Variants in ASPRV1 observed in about 807,000 individuals in gnomAD.
ASPRV1 encodes the protein aspartic peptidase retroviral like 1.
In ASPRV1, 7 loss-of-function variants were observed where a neutral mutation model predicts 11.0. The observed-to-expected ratio is 0.64, with a 90% CI of 0.36 to 1.20. The LOEUF (loss-of-function observed/expected upper bound fraction) is 1.20, where lower values mean the gene tolerates loss of function less well. ASPRV1 is among the 50% of genes most tolerant of loss of function. The probability of loss-of-function intolerance (pLI) is 0.02; values close to 1 mark genes in which losing one functional copy is unlikely to be tolerated. For missense variants in ASPRV1, 299 were observed against 320.0 expected, an observed-to-expected ratio of 0.93 and a Z score of 0.50; for synonymous variants, 136 against 138.4, an observed-to-expected ratio of 0.98 and a Z score of 0.12.
chr2:70,063,560 C>T, the ASPRV1 span, among the ~76,000 whole-genome samples: 1 of 152,146 alleles, frequency 6.6e-6, no homozygotes, highest in Non-Finnish European at 1.5e-5. Context: ...AGGACTACTG[C>T]AGGCTTCTGT....
chr2:70,057,053 A>G, the ASPRV1 span, among the ~76,000 whole-genome samples: 1 of 151,722 alleles, frequency 6.6e-6, no homozygotes, highest in African/African-American at 2.4e-5. Flanking sequence ...TACTCTTTTT[A>G]AAAAGGTAAT....
the ASPRV1 span, among the ~76,000 whole-genome samples, chr2:69,990,988 A>G: frequency 6.6e-6 from 1 of 152,128 alleles, no homozygotes; most frequent in African/African-American, 2.4e-5. Flanking sequence ...CTCATCTCAG[A>G]TGGGACCCCA....
At chr2:70,057,029 G>A in the ASPRV1 span, among the ~76,000 whole-genome samples, 4 of 151,808 alleles carry the variant, frequency 2.6e-5, no homozygotes, top group African/African-American at 4.8e-5. Flanking sequence ...GAGCCACCGC[G>A]CCCAGCTCAC....
the ASPRV1 span, among the ~76,000 whole-genome samples, chr2:70,037,390 C>T: frequency 6.6e-6 from 1 of 152,180 alleles, no homozygotes; most frequent in African/African-American, 2.4e-5. Context: ...GTGGCGTGAT[C>T]TCAGCTGACT....
At chr2:69,988,977 C>T in the ASPRV1 span, 1 of 332,884 alleles carries the variant, frequency 3.0e-6, no homozygotes. Flanking sequence ...GCTGCCACCA[C>T]TAAAGAACAC....
At chr2:70,085,365 GC>G in the ASPRV1 span, among the ~76,000 whole-genome samples, 1 of 152,078 alleles carries the variant, frequency 6.6e-6, no homozygotes, top group Non-Finnish European at 1.5e-5. Context: ...CAGCCCGCCC[GC>G]CCGTTACAGG....
the ASPRV1 span, among the ~76,000 whole-genome samples, chr2:70,063,509 G>A: frequency 6.6e-6 from 1 of 152,202 alleles, no homozygotes; most frequent in East Asian, 1.9e-4. Context: ...GAGGTAGCCT[G>A]AAGAGAGCTC....
the ASPRV1 span, among the ~76,000 whole-genome samples, chr2:70,044,204 G>T: frequency 1.3e-5 from 2 of 152,070 alleles, no homozygotes; most frequent in Non-Finnish European, 2.9e-5. Context: ...GGGTCTCAAA[G>T]ATTTAAATCA....
chr2:69,956,544 A>G (rs1026474522), downstream of ASPRV1, among the ~76,000 whole-genome samples: 10 of 151,118 alleles, frequency 6.6e-5, no homozygotes, highest in East Asian at 3.9e-4. Context: ...GGAGGAGGAG[A>G]AGAAGAAGAA....
At chr2:69,945,966 G>A in the ASPRV1 span, among the ~76,000 whole-genome samples, 1 of 152,160 alleles carries the variant, frequency 6.6e-6, no homozygotes, top group Admixed American at 6.5e-5. Context: ...CATCCTGGAG[G>A]AGAAGGCACC....
chr2:70,079,818 T>C, the ASPRV1 span, among the ~76,000 whole-genome samples: 4 of 152,230 alleles, frequency 2.6e-5, no homozygotes, highest in Non-Finnish European at 5.9e-5. Flanking sequence ...ATCCCAGTAC[T>C]ATCCAATGAA....
the ASPRV1 span, among the ~76,000 whole-genome samples, chr2:69,954,197 A>G: frequency 6.6e-6 from 1 of 152,180 alleles, no homozygotes; most frequent in African/African-American, 2.4e-5. Flanking sequence ...GGCCCACCAC[A>G]GAAGAAGCAG....
the ASPRV1 span, among the ~76,000 whole-genome samples, chr2:69,969,457 C>T: frequency 6.6e-6 from 1 of 152,172 alleles, no homozygotes; most frequent in Non-Finnish European, 1.5e-5. Flanking sequence ...TTCTCTGCGC[C>T]TTTGGTTTCT....
At chr2:69,995,487 G>C in the ASPRV1 span, 1 of 152,178 alleles carries the variant, frequency 6.6e-6, no homozygotes, top group African/African-American at 2.4e-5. Context: ...CATAAGCAGT[G>C]GTCGAAGAAG....
chr2:70,061,640 T>A, the ASPRV1 span, among the ~76,000 whole-genome samples: 1 of 151,954 alleles, frequency 6.6e-6, no homozygotes, highest in Non-Finnish European at 1.5e-5. Flanking sequence ...ACTCAAATCT[T>A]TTCCCTGCCT....
the ASPRV1 span, chr2:70,028,360 G>C: frequency 6.6e-6 from 1 of 152,084 alleles, no homozygotes; most frequent in East Asian, 1.9e-4. Context: ...GAACTTATTT[G>C]CGCTGAGTCT....
chr2:69,951,647 G>A, the ASPRV1 span, among the ~76,000 whole-genome samples: 208 of 150,908 alleles, frequency 1.4e-3, no homozygotes, highest in Middle Eastern at 6.8e-3. Context: ...TGCTTTTCCC[G>A]CAAGCCTCAC....
chr2:70,048,107 CAAAAAAAA>C, the ASPRV1 span, among the ~76,000 whole-genome samples: 1 of 32,492 alleles, frequency 3.1e-5, no homozygotes, highest in East Asian at 8.5e-4. Flanking sequence ...GACTCCATCT[CAAAAAAAA>C]AAAAAAAAAA....
chr2:70,067,295 T>A, the ASPRV1 span, among the ~76,000 whole-genome samples: 1 of 152,162 alleles, frequency 6.6e-6, no homozygotes, highest in Non-Finnish European at 1.5e-5. Flanking sequence ...GTCTATAATG[T>A]ATATGATTGG....
Sources: gnomAD v4.1 joint callset for allele counts (sites outside exome capture counted in the v4.1 genomes callset) on GRCh38, gnomAD v4.1.1 for gene constraint, MANE v1.5 for transcripts, NCBI Gene and HGNC (gene_info 2026-07-23, HGNC 2026-07-21) for gene names.